Variants in LINGO2 observed in about 807,000 individuals in gnomAD.
The protein encoded by LINGO2 is leucine-rich repeat and immunoglobulin-like domain-containing nogo receptor-interacting protein 2.
LINGO2 carries 14 observed loss-of-function variants against 30.6 expected under a neutral mutation model. That is an observed-to-expected ratio of 0.46 (90% CI 0.30 to 0.72). The LOEUF (loss-of-function observed/expected upper bound fraction) is 0.72, where lower values mean the gene tolerates loss of function less well. Ranked by LOEUF, LINGO2 falls within the 30% of genes least tolerant of loss-of-function variation. The pLI, the probability that LINGO2 is intolerant of heterozygous loss-of-function variation, is 0.07. For missense variants in LINGO2, 729 were observed against 751.7 expected (o/e 0.97, Z 0.35); for synonymous variants, 317 against 288.5 (o/e 1.10, Z -1.00).
At chr9:28,042,436 G>T (rs1453396538) in intron 4 of LINGO2, among the ~76,000 whole-genome samples, 1 of 152,208 alleles carries the variant, frequency 6.6e-6, no homozygotes, top group Non-Finnish European at 1.5e-5. Flanking sequence ...GGAGTTTGAG[G>T]ATGAGCTATG....
chr9:28,106,485 G>A (rs1273276526), intron 4 of LINGO2, among the ~76,000 whole-genome samples: 2 of 152,164 alleles, frequency 1.3e-5, no homozygotes, highest in Admixed American at 6.6e-5. Flanking sequence ...AAAAGTCGAA[G>A]AGGAAAACTT....
At position 28,021,002 on chromosome 9, in the gene LINGO2, T is replaced by TC. The variant is rs371608610; in HGVS notation, c.-86-8598dup. On this transcript the variant is annotated intron_variant, in intron 4 of 5. Coordinates refer to ENST00000379992, the Ensembl canonical transcript of LINGO2. ...CAAAGAACCAGCTTTTGGTTTCATTTCTTTTCTTTGTTTTCTTTCTTTCCA... is the reference window on the plus strand; with the variant it reads ...CAAAGAACCAGCTTTTGGTTTCATTTCCTTTTCTTTGTTTTCTTTCTTTCCA... Among the ~76,000 whole-genome samples, 764 of 152,226 alleles carry TC rather than the reference T, an allele frequency of 5.0e-3. 9 individuals are homozygous for TC. The highest frequency in any genetic ancestry group is 0.018 in the African/African-American group (731 of 41,550).
the LINGO2 span, among the ~76,000 whole-genome samples, chr9:28,968,382 A>C: frequency 1.3e-5 from 2 of 152,132 alleles, no homozygotes; most frequent in African/African-American, 4.8e-5. Context: ...ATCACAGTAG[A>C]TCCCAAGTGA....
rs145058627 is a variant in LINGO2 at position 28,449,501 on chromosome 9, C to G, written c.-279+26439G>C. 2.3e-3 allele frequency among the ~76,000 whole-genome samples: 348 copies of G among 152,134 alleles called. 2 individuals are homozygous for G. The highest frequency in any genetic ancestry group is 8.0e-3 in the African/African-American group (331 of 41,528). ...ATGCTCTTTTGAATACTGAGTACTGCTACTTAAAGTAGGAAAAACAAAGTA... is the reference window on the plus strand; with the variant it reads ...ATGCTCTTTTGAATACTGAGTACTGGTACTTAAAGTAGGAAAAACAAAGTA... On this transcript the variant is annotated intron_variant, in intron 2 of 5. Coordinates refer to ENST00000379992, the Ensembl canonical transcript of LINGO2.
chr9:28,629,551 T>G (rs1826838826), intron 1 of LINGO2, among the ~76,000 whole-genome samples: 1 of 152,088 alleles, frequency 6.6e-6, no homozygotes, highest in Admixed American at 6.6e-5. Flanking sequence ...TTTATGTTAT[T>G]TTCATTTATA....
intron 1 of LINGO2, among the ~76,000 whole-genome samples, chr9:28,503,546 A>C (rs900202255): frequency 2.9e-4 from 44 of 152,120 alleles, no homozygotes; most frequent in African/African-American, 9.9e-4. Flanking sequence ...ATGGGAACAG[A>C]GCTTACAAGA....
In LINGO2 at chr9:28,325,167, G is replaced by C. The variant is rs532743184; in HGVS notation, c.-245-29801C>G. ...GCTTGACTAAACTTTAGACAGGTTT[G>C]TTCCTGATTATAGGCCCCTGAATTC... On this transcript the variant is annotated intron_variant, in intron 3 of 5. Transcript: ENST00000379992. 3.4e-5 allele frequency among the ~76,000 whole-genome samples: 5 copies of C among 146,792 alleles called. No individual in the cohort carries two copies. The South Asian group carries it at 1.0e-3, about 31-fold the overall frequency.
chr9:28,748,209 G>A, the LINGO2 span, among the ~76,000 whole-genome samples: 9 of 151,908 alleles, frequency 5.9e-5, no homozygotes, highest in East Asian at 1.9e-4. Flanking sequence ...AAGTGTAGAC[G>A]TTTGGGAACA....
intron 2 of LINGO2, among the ~76,000 whole-genome samples, chr9:28,465,524 C>T (rs1005545383): frequency 6.6e-6 from 1 of 152,138 alleles, no homozygotes; most frequent in Non-Finnish European, 1.5e-5. Flanking sequence ...GAAGTTCTCA[C>T]TTAGGGCCAC....
chr9:28,934,684 A>G, the LINGO2 span, among the ~76,000 whole-genome samples: 2 of 139,168 alleles, frequency 1.4e-5, no homozygotes, highest in African/African-American at 5.3e-5. Flanking sequence ...AAAAAGGGAT[A>G]AAAAAGTTAA....
At chr9:27,977,009 C>T (rs373366412) in intron 5 of LINGO2, among the ~76,000 whole-genome samples, 9 of 150,952 alleles carry the variant, frequency 6.0e-5, no homozygotes, top group African/African-American at 1.9e-4. Flanking sequence ...GCAACAAAGA[C>T]TTCTGTTCCA....
At chr9:28,092,554 G>A (rs377521233) in intron 4 of LINGO2, among the ~76,000 whole-genome samples, 2 of 148,594 alleles carry the variant, frequency 1.3e-5, no homozygotes, top group East Asian at 4.1e-4. Context: ...TGTGCGGTGG[G>A]GGGGAGGGGG....
the LINGO2 span, among the ~76,000 whole-genome samples, chr9:28,699,006 C>T: frequency 3.9e-5 from 6 of 151,948 alleles, no homozygotes; most frequent in South Asian, 1.2e-3. Flanking sequence ...GATACCACTG[C>T]ACTCCAGCCT....
chr9:28,979,235 A>C, the LINGO2 span, among the ~76,000 whole-genome samples: 1 of 152,070 alleles, frequency 6.6e-6, no homozygotes, highest in African/African-American at 2.4e-5. Flanking sequence ...AGGAAATACT[A>C]CATTTTATTT....
chr9:29,121,557 A>C, the LINGO2 span, among the ~76,000 whole-genome samples: 1 of 152,048 alleles, frequency 6.6e-6, no homozygotes, highest in Non-Finnish European at 1.5e-5. Context: ...AAAACAGAAA[A>C]CCCAAAACAC....
the LINGO2 span, among the ~76,000 whole-genome samples, chr9:29,024,032 AC>A: frequency 1.3e-5 from 2 of 152,020 alleles, no homozygotes; most frequent in Non-Finnish European, 1.5e-5. Context: ...CCTTCCACCC[AC>A]AACCAATACA....
the LINGO2 span, among the ~76,000 whole-genome samples, chr9:28,684,637 G>C: frequency 6.6e-6 from 1 of 151,576 alleles, no homozygotes; most frequent in African/African-American, 2.4e-5. Context: ...TCCTGCCTCA[G>C]CCTCCCAAGT....
At chr9:28,374,505 A>G (rs577689805) in intron 2 of LINGO2, among the ~76,000 whole-genome samples, 1 of 152,282 alleles carries the variant, frequency 6.6e-6, no homozygotes, top group South Asian at 2.1e-4. Context: ...TCACTGAAAC[A>G]GCTTATTAGG....
intron 1 of LINGO2, among the ~76,000 whole-genome samples, chr9:28,587,117 A>T (rs1158997955): frequency 6.6e-6 from 1 of 151,994 alleles, no homozygotes; most frequent in Non-Finnish European, 1.5e-5. Flanking sequence ...TTGGGAACTG[A>T]AAGTTTGAAG....
Sources: gnomAD v4.1 joint callset for allele counts (sites outside exome capture counted in the v4.1 genomes callset) on GRCh38, gnomAD v4.1.1 for gene constraint, MANE v1.5 for transcripts, NCBI Gene and HGNC (gene_info 2026-07-23, HGNC 2026-07-21) for gene names.